CDH18: variants seen among roughly 807,000 people sequenced by gnomAD.
CDH18 encodes the protein cadherin-18.
In CDH18, 31 loss-of-function variants were observed where a neutral mutation model predicts 67.9. The observed-to-expected ratio is 0.46, with a 90% CI of 0.34 to 0.62. The LOEUF (loss-of-function observed/expected upper bound fraction) is 0.62, where lower values mean the gene tolerates loss of function less well. Among genes scored for constraint, CDH18 ranks in the 20% least tolerant of loss-of-function variants. The probability of loss-of-function intolerance (pLI) is 0.01; values close to 1 mark genes in which losing one functional copy is unlikely to be tolerated. For synonymous variants in CDH18, 362 were observed against 347.2 expected (o/e 1.04, Z -0.48); for missense variants, 890 against 975.5 (o/e 0.91, Z 1.17).
intron 1 of CDH18, among the ~76,000 whole-genome samples, chr5:20,513,028 C>T (rs1561081899): frequency 6.6e-6 from 1 of 152,120 alleles, no homozygotes; most frequent in African/African-American, 2.4e-5. Context: ...TGTTGGTTTT[C>T]TTACTTCCTT....
At chr5:20,340,006 T>C (rs563445284) in intron 1 of CDH18, among the ~76,000 whole-genome samples, 23 of 152,242 alleles carry the variant, frequency 1.5e-4, no homozygotes, top group African/African-American at 5.5e-4. Flanking sequence ...AAATGGAACA[T>C]TGATGAAAGC....
chr5:20,067,381 T>C (rs1743071191), intron 2 of CDH18, among the ~76,000 whole-genome samples: 1 of 151,572 alleles, frequency 6.6e-6, no homozygotes, highest in Admixed American at 6.6e-5. Flanking sequence ...GGTCTTTTGC[T>C]GTATGCGCTC....
At chr5:20,003,507 A>C (rs533287411) in intron 2 of CDH18, among the ~76,000 whole-genome samples, 148 of 152,230 alleles carry the variant, frequency 9.7e-4, no homozygotes, top group Non-Finnish European at 1.7e-3. Context: ...AAAATGTCCA[A>C]AATGAAAATT....
chr5:20,163,137 C>T (rs1417672269), intron 2 of CDH18, among the ~76,000 whole-genome samples: 9 of 151,858 alleles, frequency 5.9e-5, no homozygotes, highest in Admixed American at 2.6e-4. Context: ...TAAATATTTC[C>T]TCACACTGCT....
intron 1 of CDH18, among the ~76,000 whole-genome samples, chr5:20,341,907 T>A (rs562989710): frequency 2.3e-4 from 35 of 152,232 alleles, no homozygotes; most frequent in African/African-American, 8.4e-4. Context: ...TTTGATCATA[T>A]TTGGAGGACC....
At chr5:20,200,174 T>A (rs1739334792) in intron 2 of CDH18, among the ~76,000 whole-genome samples, 1 of 152,206 alleles carries the variant, frequency 6.6e-6, no homozygotes, top group Non-Finnish European at 1.5e-5. Context: ...GGAAACATAT[T>A]ATCCTTTTTG....
At chr5:19,566,476 C>T (rs993204087) in intron 8 of CDH18, among the ~76,000 whole-genome samples, 1 of 152,206 alleles carries the variant, frequency 6.6e-6, no homozygotes, top group African/African-American at 2.4e-5. Context: ...TGGATTCACA[C>T]GTGGCTGGGG....
intron 1 of CDH18, among the ~76,000 whole-genome samples, chr5:20,275,665 T>G (rs191620557): frequency 1.6e-4 from 24 of 152,268 alleles, no homozygotes; most frequent in Non-Finnish European, 3.2e-4. Flanking sequence ...CTTCACTGAT[T>G]AACCTCCCTG....
intron 1 of CDH18, among the ~76,000 whole-genome samples, chr5:20,274,907 T>TA (rs1344305367): frequency 6.6e-6 from 1 of 152,098 alleles, no homozygotes; most frequent in Non-Finnish European, 1.5e-5. Context: ...GAGAGAACTG[T>TA]AAAAAATGCA....
chr5:20,108,344 G>A (rs1021697546), intron 2 of CDH18, among the ~76,000 whole-genome samples: 14 of 151,938 alleles, frequency 9.2e-5, no homozygotes, highest in Admixed American at 7.2e-4. Flanking sequence ...CACCAACCTC[G>A]GCTTTCCAAA....
chr5:19,812,350 T>A (rs960065646), intron 3 of CDH18, among the ~76,000 whole-genome samples: 2 of 152,132 alleles, frequency 1.3e-5, no homozygotes, highest in Non-Finnish European at 2.9e-5. Context: ...ATTATTATTA[T>A]TTGGAGGTTT....
chr5:19,923,285 T>C (rs1792710394), intron 2 of CDH18, among the ~76,000 whole-genome samples: 1 of 152,160 alleles, frequency 6.6e-6, no homozygotes, highest in African/African-American at 2.4e-5. Context: ...CCTGAGACTT[T>C]TACATTTTTT....
intron 2 of CDH18, among the ~76,000 whole-genome samples, chr5:19,841,836 A>G (rs558392883): frequency 6.6e-6 from 1 of 152,320 alleles, no homozygotes; most frequent in South Asian, 2.1e-4. Context: ...CCAAAAATAT[A>G]TAAATGCATT....
chr5:19,929,753 T>C (rs1167021659), intron 2 of CDH18, among the ~76,000 whole-genome samples: 1 of 152,074 alleles, frequency 6.6e-6, no homozygotes, highest in East Asian at 1.9e-4. Context: ...TTAAGTTGAT[T>C]TTTGTAGGCT....
Position 19,734,234 on chromosome 5 carries a change from G to A in CDH18, c.523+12708C>T, listed in dbSNP as rs1480947128. On this transcript the variant is annotated intron_variant, in intron 4 of 12. Transcript: ENST00000382275. ...TAGCACATTATCATTTAAAAACTGA[G>A]TTGATGTTTTCCCCTTTCAATTGGA... 2.6e-5 allele frequency among the ~76,000 whole-genome samples: 4 copies of A among 152,280 alleles called. No individual in the cohort carries two copies. In the East Asian group the frequency reaches 7.7e-4, roughly 29 times the overall value.
chr5:19,526,700 T>TG (rs1460124922), intron 9 of CDH18, among the ~76,000 whole-genome samples: 2 of 152,120 alleles, frequency 1.3e-5, no homozygotes. Context: ...TATGAGTGTA[T>TG]GCCTTCTAGG....
At chr5:20,423,884 T>G (rs931772901) in intron 1 of CDH18, among the ~76,000 whole-genome samples, 3 of 140,666 alleles carry the variant, frequency 2.1e-5, no homozygotes, top group Non-Finnish European at 4.5e-5. Flanking sequence ...GAGGTGGAGC[T>G]TGCAGTGAGC....
intron 1 of CDH18, among the ~76,000 whole-genome samples, chr5:20,414,096 G>T (rs1747059967): frequency 6.6e-6 from 1 of 152,178 alleles, no homozygotes; most frequent in Non-Finnish European, 1.5e-5. Context: ...TGTTACTGGA[G>T]ATGGAAATTA....
At chr5:19,593,707 C>CTTCTTCTTCTTCTT (rs1554054959) in intron 6 of CDH18, among the ~76,000 whole-genome samples, 1 of 33,384 alleles carries the variant, frequency 3.0e-5, no homozygotes, top group Non-Finnish European at 5.5e-5. Flanking sequence ...TCCTCCTCCT[C>CTTCTTCTTCTTCTT]CTTCTTCTTC....
Sources: gnomAD v4.1 joint callset for allele counts (sites outside exome capture counted in the v4.1 genomes callset) on GRCh38, gnomAD v4.1.1 for gene constraint, MANE v1.5 for transcripts, NCBI Gene and HGNC (gene_info 2026-07-23, HGNC 2026-07-21) for gene names.